The following SNTG1 variants were observed in gnomAD, a reference collection of about 807,000 sequenced individuals.
SNTG1 encodes gamma-1-syntrophin.
A neutral mutation model predicts 74.7 loss-of-function variants in SNTG1; 39 were observed. That is an observed-to-expected ratio of 0.52 (90% CI 0.40 to 0.68). SNTG1 has a LOEUF of 0.68. SNTG1 is among the 30% of genes least tolerant of loss of function. SNTG1 has a pLI of 0.00. For synonymous variants in SNTG1, 254 were observed against 217.1 expected, an observed-to-expected ratio of 1.17 and a Z score of -1.49; for missense variants, 685 against 609.5, an observed-to-expected ratio of 1.12 and a Z score of -1.30.
chr8:50,035,373 C>T (rs542932231), intron 1 of SNTG1, among the ~76,000 whole-genome samples: 2 of 152,174 alleles, frequency 1.3e-5, no homozygotes, highest in African/African-American at 4.8e-5. Context: ...CTCTCCAAGT[C>T]AAAGCTACTT....
At chr8:50,735,131 A>G (rs1343171699) in intron 17 of SNTG1, among the ~76,000 whole-genome samples, 1 of 151,432 alleles carries the variant, frequency 6.6e-6, no homozygotes, top group Non-Finnish European at 1.5e-5. Context: ...ACTATTAAGC[A>G]ATAATTACTC....
intron 13 of SNTG1, among the ~76,000 whole-genome samples, chr8:50,632,353 CAGGTTGG>C (rs2095006268): frequency 2.0e-5 from 3 of 149,380 alleles, no homozygotes; most frequent in South Asian, 4.2e-4. Context: ...CTCTGTTGTC[CAGGTTGG>C]AGTGCAGTGT....
intron 8 of SNTG1, among the ~76,000 whole-genome samples, chr8:50,462,796 CTTTTTTTTTTTTTTTTTTTTT>C (rs869119447): frequency 1.2e-4 from 7 of 57,412 alleles, no homozygotes; most frequent in South Asian, 5.7e-4. Context: ...AGGTTCTACT[CTTTTTTTTTTTTTTTTTTTTT>C]TTTTTTTTTT....
upstream of SNTG1, among the ~76,000 whole-genome samples, chr8:49,910,206 A>C (rs1383144600): frequency 6.6e-6 from 1 of 152,138 alleles, no homozygotes; most frequent in East Asian, 1.9e-4. Context: ...AGAACCTGAG[A>C]AGTCGCCGGG....
At chr8:50,030,160 T>C (rs781004883) in intron 1 of SNTG1, among the ~76,000 whole-genome samples, 1 of 152,160 alleles carries the variant, frequency 6.6e-6, no homozygotes, top group Non-Finnish European at 1.5e-5. Flanking sequence ...TTGAGAAATG[T>C]CTATTCACAT....
chr8:50,662,539 C>T (rs946327640), intron 15 of SNTG1, among the ~76,000 whole-genome samples: 4 of 152,198 alleles, frequency 2.6e-5, no homozygotes, highest in Non-Finnish European at 5.9e-5. Flanking sequence ...AGCCTAAGGT[C>T]ACACAGCTAG....
intron 2 of SNTG1, among the ~76,000 whole-genome samples, chr8:50,201,723 A>T (rs4873420): frequency 0.31 from 46,383 of 151,914 alleles, 7,194 homozygotes; most frequent in South Asian, 0.42. Flanking sequence ...AGCAAACATA[A>T]GTGTGTATAT....
chr8:50,123,533 T>A (rs944931774), intron 1 of SNTG1, among the ~76,000 whole-genome samples: 2 of 142,170 alleles, frequency 1.4e-5, no homozygotes, highest in Admixed American at 1.4e-4. Flanking sequence ...AAAGCAAGAG[T>A]ATGGTTTTTT....
At chr8:50,522,472 T>C (rs1399105122) in intron 9 of SNTG1, among the ~76,000 whole-genome samples, 2 of 152,044 alleles carry the variant, frequency 1.3e-5, no homozygotes, top group Admixed American at 6.6e-5. Flanking sequence ...ATCCTTGCCC[T>C]AGGATTTCAG....
chr8:50,670,256 C>T (rs956506781), intron 15 of SNTG1, among the ~76,000 whole-genome samples: 50 of 152,302 alleles, frequency 3.3e-4, no homozygotes, highest in African/African-American at 1.2e-3. Context: ...CAAATTGTCC[C>T]TGTTTGCAGA....
intron 15 of SNTG1, among the ~76,000 whole-genome samples, chr8:50,678,091 A>C (rs563274818): frequency 6.6e-6 from 1 of 152,034 alleles, no homozygotes; most frequent in East Asian, 1.9e-4. Flanking sequence ...TGTATCCCGG[A>C]ACTTAAAGTA....
intron 2 of SNTG1, among the ~76,000 whole-genome samples, chr8:50,369,038 C>G (rs773156850): frequency 6.6e-6 from 1 of 152,050 alleles, no homozygotes. Flanking sequence ...TGGCCTTTAA[C>G]CTTTAGAGTT....
chr8:50,036,616 G>C (rs1563504946), intron 1 of SNTG1, among the ~76,000 whole-genome samples: 1 of 152,174 alleles, frequency 6.6e-6, no homozygotes, highest in African/African-American at 2.4e-5. Context: ...GGCATTCCCA[G>C]CTCTTAGAAC....
At chr8:50,407,360 T>C (rs187206463) in intron 4 of SNTG1, among the ~76,000 whole-genome samples, 1 of 152,266 alleles carries the variant, frequency 6.6e-6, no homozygotes, top group Admixed American at 6.5e-5. Context: ...CTAGAAGCAA[T>C]GCTCTGAAGT....
chr8:50,063,639 A>G (rs766782809), intron 1 of SNTG1, among the ~76,000 whole-genome samples: 10 of 152,124 alleles, frequency 6.6e-5, no homozygotes, highest in Admixed American at 2.6e-4. Context: ...ATTCTTTGTA[A>G]ATAGAAATAG....
Position 50,009,196 on chromosome 8 carries a change from G to C in SNTG1, c.-103+96965G>C, listed in dbSNP as rs751236402. On this transcript the variant is annotated intron_variant, in intron 1 of 18. Transcript: ENST00000642720. ...TATGGCCTGCATGCTATTTGACTGG[G>C]GACTGATTTTTATATAGCATGTTGA... Among the ~76,000 whole-genome samples the C allele has an allele frequency of 4.2e-4, 64 of 151,882 alleles. 1 individual carries two copies. The highest frequency in any genetic ancestry group is 5.9e-4 in the Non-Finnish European group (40 of 67,974).
chr8:50,033,544 T>C (rs1395339895), intron 1 of SNTG1, among the ~76,000 whole-genome samples: 1 of 152,224 alleles, frequency 6.6e-6, no homozygotes, highest in African/African-American at 2.4e-5. Flanking sequence ...TTATTTTCTC[T>C]CACTTCTGGA....
At chr8:50,413,768 C>T (rs538073548) in intron 4 of SNTG1, among the ~76,000 whole-genome samples, 1 of 152,186 alleles carries the variant, frequency 6.6e-6, no homozygotes, top group African/African-American at 2.4e-5. Context: ...AACTTGTCTG[C>T]CCTCTGTGGA....
intron 15 of SNTG1, among the ~76,000 whole-genome samples, chr8:50,687,124 AG>A (rs1415938701): frequency 6.8e-6 from 1 of 147,358 alleles, no homozygotes; most frequent in Non-Finnish European, 1.5e-5. Flanking sequence ...CCTGGGCGAC[AG>A]AGCGAGACTC....
Sources: gnomAD v4.1 joint callset for allele counts (sites outside exome capture counted in the v4.1 genomes callset) on GRCh38, gnomAD v4.1.1 for gene constraint, MANE v1.5 for transcripts, NCBI Gene and HGNC (gene_info 2026-07-23, HGNC 2026-07-21) for gene names.